Variants in PEAK1 observed in about 807,000 individuals in gnomAD.
PEAK1 encodes inactive tyrosine-protein kinase PEAK1.
PEAK1 carries 54 observed loss-of-function variants against 124.7 expected under a neutral mutation model. The ratio of observed to expected loss-of-function variants is 0.43; its 90% CI spans 0.35 to 0.54. PEAK1 has a LOEUF of 0.54. Ranked by LOEUF, PEAK1 falls within the 20% of genes least tolerant of loss-of-function variation. PEAK1 has a pLI of 0.01. For missense variants in PEAK1, 2,046 were observed against 2,134.5 expected, an observed-to-expected ratio of 0.96 and a Z score of 0.82; for synonymous variants, 719 against 760.0, an observed-to-expected ratio of 0.95 and a Z score of 0.89.
In PEAK1 at chr15:77,335,063, T is replaced by C. The variant is rs188626969; in HGVS notation, c.-603+30100A>G. 8.1e-5 allele frequency: 80 copies of C among 985,430 alleles called. No individual in the cohort carries two copies. The African/African-American group carries it at 1.2e-3, about 15-fold the overall frequency. The allele number at this position is 985,430 out of a possible 1,614,324, so 61.0% of individuals were successfully genotyped here. On this transcript the variant is annotated intron_variant, in intron 2 of 9. Coordinates refer to ENST00000682557, the MANE Select transcript of PEAK1 (RefSeq NM_001385026.1). ...GCCACCTATGTGGACAGGTTTCTTC[T>C]AGGGAGGTGCTATAAGCAAACTCTA...
intron 1 of PEAK1, chr15:77,401,756 A>C: frequency 1.0e-6 from 1 of 985,184 alleles, no homozygotes; most frequent in Non-Finnish European, 1.2e-6. Context: ...TTACTTTCTT[A>C]GAGAGCTTTT....
chr15:77,239,897 T>C, intron 6 of PEAK1: 1 of 935,106 alleles, frequency 1.1e-6, no homozygotes, highest in Non-Finnish European at 1.3e-6. Flanking sequence ...AATCTGTCAA[T>C]AATAATGGCA....
At chr15:77,235,477 G>A (rs572226373) in intron 6 of PEAK1, among the ~76,000 whole-genome samples, 4 of 152,310 alleles carry the variant, frequency 2.6e-5, no homozygotes, top group South Asian at 2.1e-4. Flanking sequence ...CTAGAGATCT[G>A]TGGAACTTTG....
intron 2 of PEAK1, among the ~76,000 whole-genome samples, chr15:77,323,257 A>G (rs1365473467): frequency 1.3e-5 from 2 of 152,110 alleles, no homozygotes; most frequent in African/African-American, 4.8e-5. Flanking sequence ...ACTCCTATTC[A>G]ACATAGTGTT....
At chr15:77,198,417 AG>A (rs1216769269) in intron 6 of PEAK1, among the ~76,000 whole-genome samples, 1 of 152,250 alleles carries the variant, frequency 6.6e-6, no homozygotes, top group African/African-American at 2.4e-5. Flanking sequence ...CAAGAAGCAG[AG>A]AAAAGTTATG....
Position 77,298,197 on chromosome 15 carries a change from A to ATTTTTTTTTTTTTTTTTT in PEAK1, c.-602-11711_-602-11694dup, listed in dbSNP as rs749000554. Reference sequence around the variant, plus strand: ...TAGCTTCTTTTGTTTGGTATCCTTAATTTTTTTTTTTTTTTTTTTTTTTTT... The same window carrying ATTTTTTTTTTTTTTTTTT: ...TAGCTTCTTTTGTTTGGTATCCTTAATTTTTTTTTTTTTTTTTTTTTTTTTTTTTTTTTTTTTTTTTTT... On this transcript the variant is annotated intron_variant, in intron 2 of 9. Transcript: ENST00000682557. Among the ~76,000 whole-genome samples, 24 of 37,822 alleles carry ATTTTTTTTTTTTTTTTTT rather than the reference A, an allele frequency of 6.3e-4. 6 individuals carry two copies. The highest frequency in any genetic ancestry group is 2.3e-3 in the Admixed American group (5 of 2,148). The allele number at this position is 37,822 out of a possible 152,430, so 24.8% of individuals were successfully genotyped here.
In PEAK1 at chr15:77,182,016, A is replaced by G; in HGVS notation, c.-90T>C. Reference sequence around the variant, plus strand: ...AGTTTTCACTTCCCCTATGTGTTACAGCAGCTCTTCTAAGAATGATCAATC... The same window carrying G: ...AGTTTTCACTTCCCCTATGTGTTACGGCAGCTCTTCTAAGAATGATCAATC... On this transcript the variant is annotated 5_prime_UTR_variant, in exon 7 of 10. Transcript: ENST00000682557. The G allele has an allele frequency of 6.7e-7, 1 of 1,487,876 alleles. No individual in the cohort carries two copies. The highest frequency in any genetic ancestry group is 8.9e-7 in the Non-Finnish European group (1 of 1,125,884). The allele number at this position is 1,487,876 out of a possible 1,614,324, so 92.2% of individuals were successfully genotyped here.
intron 1 of PEAK1, chr15:77,370,633 T>C: frequency 5.4e-6 from 5 of 933,276 alleles, no homozygotes; most frequent in Non-Finnish European, 6.4e-6. Context: ...TAATTTTGAA[T>C]GTTACCAAAA....
intron 2 of PEAK1, among the ~76,000 whole-genome samples, chr15:77,354,288 AT>A (rs371035588): frequency 2.6e-3 from 396 of 152,304 alleles, no homozygotes; most frequent in African/African-American, 9.2e-3. Flanking sequence ...GTCATCTCTG[AT>A]TTCTACACTT....
chr15:77,219,339 T>C (rs1392454841), intron 6 of PEAK1, among the ~76,000 whole-genome samples: 2 of 152,100 alleles, frequency 1.3e-5, no homozygotes, highest in Admixed American at 6.6e-5. Context: ...AAGATAAGAT[T>C]TTTAAAGTTA....
intron 6 of PEAK1, among the ~76,000 whole-genome samples, chr15:77,238,815 A>G (rs754440732): frequency 6.6e-5 from 10 of 152,256 alleles, no homozygotes; most frequent in Non-Finnish European, 1.3e-4. Context: ...TCAAACACCA[A>G]GAAAAAACTG....
intron 2 of PEAK1, among the ~76,000 whole-genome samples, chr15:77,303,494 T>G (rs1160142073): frequency 6.6e-6 from 1 of 152,228 alleles, no homozygotes; most frequent in Non-Finnish European, 1.5e-5. Flanking sequence ...AATTCCCTAA[T>G]GACACACAAT....
At chr15:77,315,112 T>C (rs1336214701) in intron 2 of PEAK1, among the ~76,000 whole-genome samples, 1 of 152,202 alleles carries the variant, frequency 6.6e-6, no homozygotes, top group African/African-American at 2.4e-5. Context: ...GGGACAAAAT[T>C]TGTACTAATA....
rs749000554 is a variant in PEAK1 at position 77,298,197 on chromosome 15, A to ATTTTTTTTTTTTTTTTTTTTTTTTTTT, written c.-602-11720_-602-11694dup. Among the ~76,000 whole-genome samples, 4 of 37,822 alleles carry ATTTTTTTTTTTTTTTTTTTTTTTTTTT rather than the reference A, an allele frequency of 1.1e-4. 1 individual carries two copies. The highest frequency in any genetic ancestry group is 4.7e-4 in the Admixed American group (1 of 2,148). The allele number at this position is 37,822 out of a possible 152,430, so 24.8% of individuals were successfully genotyped here. On this transcript the variant is annotated intron_variant, in intron 2 of 9. Transcript: ENST00000682557. The stretch of plus-strand genomic sequence containing the variant: ...TAGCTTCTTTTGTTTGGTATCCTTA[A>ATTTTTTTTTTTTTTTTTTTTTTTTTTT]TTTTTTTTTTTTTTTTTTTTTTTTT...
chr15:77,264,928 C>G (rs1037650793), intron 5 of PEAK1, among the ~76,000 whole-genome samples: 3 of 152,098 alleles, frequency 2.0e-5, no homozygotes, highest in Non-Finnish European at 4.4e-5. Flanking sequence ...TGGAACAGAA[C>G]AGAGCCCTCA....
chr15:77,360,305 T>C (rs926207662), intron 2 of PEAK1, among the ~76,000 whole-genome samples: 5 of 152,242 alleles, frequency 3.3e-5, no homozygotes, highest in African/African-American at 1.2e-4. Flanking sequence ...AACATGAGTA[T>C]TCCCCAGGAC....
Position 77,267,560 on chromosome 15 carries a change from A to ACT in PEAK1, c.-274-15036_-274-15035dup, listed in dbSNP as rs540329239. Among the ~76,000 whole-genome samples, 11 of 152,274 alleles carry ACT rather than the reference A, an allele frequency of 7.2e-5. No homozygotes were observed. In the South Asian group the frequency reaches 2.3e-3, roughly 32 times the overall value. The stretch of plus-strand genomic sequence containing the variant: ...AGACTCTTTGCAGATACTCCCCTGT[A>ACT]CTAGCCCAGAGCCTAACAGCTCTGC... On this transcript the variant is annotated intron_variant, in intron 5 of 9. Transcript: ENST00000682557.
At chr15:77,417,333 GC>G in intron 1 of PEAK1, 1 of 981,604 alleles carries the variant, frequency 1.0e-6, no homozygotes, top group Non-Finnish European at 1.2e-6. Flanking sequence ...TCTATTCCTG[GC>G]CTGAAGGTTA....
At chr15:77,327,923 C>T (rs562469222) in intron 2 of PEAK1, among the ~76,000 whole-genome samples, 67 of 152,146 alleles carry the variant, frequency 4.4e-4, no homozygotes, top group African/African-American at 1.6e-3. Flanking sequence ...AAACCTTAGT[C>T]AAAGCACCCT....
Sources: allele counts gnomAD v4.1 joint callset (sites outside exome capture counted in the v4.1 genomes callset), GRCh38; gene constraint gnomAD v4.1.1; transcripts MANE v1.5; gene names NCBI Gene and HGNC (gene_info 2026-07-23, HGNC 2026-07-21).